Variants in ITIH2 observed in about 807,000 individuals in gnomAD.
The protein encoded by ITIH2 is inter-alpha-trypsin inhibitor heavy chain 2.
Under a neutral mutation model 104.4 loss-of-function variants are expected in ITIH2, and 103 were observed. That is an observed-to-expected ratio of 0.99 (90% CI 0.84 to 1.16). The LOEUF is 1.16. Ranked by LOEUF, ITIH2 falls within the 50% of genes most tolerant of loss-of-function variation. ITIH2 has a pLI of 0.00. For missense variants in ITIH2, 1,108 were observed against 1,162.4 expected (o/e 0.95, Z 0.68); for synonymous variants, 436 against 435.4 (o/e 1.00, Z -0.02).
chr10:7,717,861 C>A, intron 6 of ITIH2, 73 bp downstream of exon 6: 1 of 1,426,786 alleles, frequency 7.0e-7, no homozygotes, highest in Non-Finnish European at 9.7e-7. Context: ...ATACTTTCTG[C>A]TTGTCACTAG....
chr10:7,703,625 A>G, intron 1 of ITIH2, 107 bp downstream of exon 1: 2 of 709,008 alleles, frequency 2.8e-6, no homozygotes, highest in Non-Finnish European at 5.0e-6. Context: ...ATGGAAACTT[A>G]AGATAAAATT....
Position 7,746,603 on chromosome 10 carries a change from G to T in ITIH2, c.2592G>T (p.Met864Ile). 1 of 1,611,594 alleles carries T rather than the reference G, an allele frequency of 6.2e-7. No individual in the cohort carries two copies. The highest frequency in any genetic ancestry group is 2.2e-5 in the East Asian group (1 of 44,848). The stretch of plus-strand genomic sequence containing the variant: ...ATTCTGTTTTGCTAGGCCAGTTCAT[G>T]CAGGAACCAAAGATACACATCTTCA... ...PKAHGLIGQFMQEPKIHIFNE... is the reference protein window; with the variant it reads ...PKAHGLIGQFIQEPKIHIFNE... Residue 864 changes from methionine (M) to isoleucine (I), a missense_variant, in exon 20 of 21, where the codon ATG (methionine) becomes ATT (isoleucine). Met to Ile is a conservative substitution (Grantham distance 10, BLOSUM62 1). Transcript: ENST00000358415.
intron 14 of ITIH2, among the ~76,000 whole-genome samples, chr10:7,734,586 T>G (rs1393376177): frequency 3.3e-5 from 5 of 152,072 alleles, no homozygotes; most frequent in Non-Finnish European, 5.9e-5. Flanking sequence ...TCTCAGCTAC[T>G]CAGGAGGCTG....
At chr10:7,713,056 G>T in intron 4 of ITIH2, 125 bp from the exon 5 acceptor site, 1 of 662,602 alleles carries the variant, frequency 1.5e-6, no homozygotes, top group Non-Finnish European at 2.6e-6. Context: ...GGAGGTGGAG[G>T]TTGCACTGAA....
intron 11 of ITIH2, among the ~76,000 whole-genome samples, chr10:7,729,670 T>C (rs1834983375): frequency 6.6e-6 from 1 of 152,216 alleles, no homozygotes; most frequent in Non-Finnish European, 1.5e-5. Flanking sequence ...TCTCACGGTT[T>C]AAATGTATCA....
At chr10:7,724,291 C>T (rs1357895095) in intron 9 of ITIH2, among the ~76,000 whole-genome samples, 1 of 152,106 alleles carries the variant, frequency 6.6e-6, no homozygotes, top group Non-Finnish European at 1.5e-5. Context: ...TCCCTGTCAG[C>T]CAGGCACAGT....
chr10:7,743,038 C>T, intron 16 of ITIH2, 108 bp from the exon 17 acceptor site: 1 of 661,114 alleles, frequency 1.5e-6, no homozygotes, highest in Non-Finnish European at 2.7e-6. Flanking sequence ...AGGAGAAGCA[C>T]AATAAATATT....
At position 7,721,780 on chromosome 10, in the gene ITIH2, G is replaced by C. The variant is rs770627511; in HGVS notation, c.867+3G>C. 5.6e-5 allele frequency: 90 copies of C among 1,613,728 alleles called. No individual in the cohort carries two copies. Among genetic ancestry groups the C allele is most frequent in the Non-Finnish European group, 7.2e-5 (85 of 1,179,868 alleles). On this transcript the variant is annotated splice_donor_region_variant and intron_variant, in intron 8 of 20. Coordinates refer to ENST00000358415, the MANE Select transcript of ITIH2 (RefSeq NM_002216.3). The stretch of plus-strand genomic sequence containing the variant: ...AAGAGAAGGCTGGTGAACTGGAGGT[G>C]AGTGCACACCGGCTCTGGTTCTACT...
rs549517172 is a variant in ITIH2, at chr10:7,748,521, C to CTTTTTTTTTTTTTTTTT, written c.2694-645_2694-629dup. ...AGTTAAGAGGTGCCGCCAATGCATT[C>CTTTTTTTTTTTTTTTTT]TTTTTTTTTTTTTTTTTTTTTTTTT... On this transcript the variant is annotated intron_variant, in intron 20 of 20. Transcript: ENST00000358415. 2.4e-3 allele frequency among the ~76,000 whole-genome samples: 64 copies of CTTTTTTTTTTTTTTTTT among 27,130 alleles called. 23 individuals are homozygous for CTTTTTTTTTTTTTTTTT. The highest frequency in any genetic ancestry group is 3.2e-3 in the Non-Finnish European group (49 of 15,258). The allele number at this position is 27,130 out of a possible 152,430, so 17.8% of individuals were successfully genotyped here. A position where few individuals can be genotyped will look rare whatever the true frequency, so the allele number is the denominator to read the frequency against.
intron 15 of ITIH2, among the ~76,000 whole-genome samples, chr10:7,737,667 A>C (rs62651616): frequency 2.2e-3 from 29 of 13,418 alleles, no homozygotes; most frequent in South Asian, 5.0e-3. Context: ...ATTCTATATT[A>C]TATTCTATAT....
chr10:7,743,192 G>T lies in ITIH2; in HGVS notation c.2142G>T (p.Lys714Asn), dbSNP rs765946594. 2.5e-6 allele frequency: 4 copies of T among 1,591,442 alleles called. No homozygotes were observed. The South Asian group carries it at 4.7e-5, about 19-fold the overall frequency. The change falls in exon 17 of 21, where the codon AAG becomes AAT. Residue 714 changes from lysine (K) to asparagine (N), a missense_variant. By Grantham distance (94) the Lys-to-Asn change is moderately conservative. Transcript: ENST00000358415. ...HFIIYLPKSQ[K>N]NICFNIDSEP... Reference sequence around the variant, plus strand: ...TCATTTATCTACCAAAAAGCCAAAAGAACATTTGTTTCAATATTGACTCAG... The same window carrying T: ...TCATTTATCTACCAAAAAGCCAAAATAACATTTGTTTCAATATTGACTCAG...
At chr10:7,724,302 G>A (rs1013603797) in intron 9 of ITIH2, among the ~76,000 whole-genome samples, 3 of 152,138 alleles carry the variant, frequency 2.0e-5, no homozygotes, top group Non-Finnish European at 4.4e-5. Flanking sequence ...CAGGCACAGT[G>A]GCTCACGCCT....
At position 7,744,810 on chromosome 10, in the gene ITIH2, A is replaced by T; in HGVS notation, c.2428A>T (p.Lys810Ter). The change falls in exon 19 of 21, where the codon AAA (lysine) becomes TAA (stop). Residue 810 changes from lysine to a stop codon, truncating the protein, a stop_gained. Transcript: ENST00000358415. LOFTEE classifies it high-confidence loss of function. ...TNQRVQISVK[K>*]EKVVTITLDK... ...CACCAGGGTGCAGATCTCAGTGAAG[A>T]AAGAAAAAGTGGTAACTATCACCCT... is the stretch of plus-strand genomic sequence containing the variant. The T allele has an allele frequency of 1.9e-6, 3 of 1,613,558 alleles. No homozygotes were observed. Among genetic ancestry groups the T allele is most frequent in the Non-Finnish European group, 2.5e-6 (3 of 1,179,788 alleles).
At chr10:7,729,761 A>C in intron 11 of ITIH2, 191 bp from the exon 12 acceptor site, 1 of 472,126 alleles carries the variant, frequency 2.1e-6, no homozygotes, top group Non-Finnish European at 3.7e-6. Context: ...GTTGCTATGC[A>C]ACACAACCCA....
chr10:7,745,911 C>T (rs577877586), intron 19 of ITIH2, among the ~76,000 whole-genome samples: 18 of 151,010 alleles, frequency 1.2e-4, no homozygotes, highest in Admixed American at 4.6e-4. Context: ...TGCACCACCA[C>T]GCCCAGCTAA....
At chr10:7,728,936 C>G (rs1469658160) in intron 11 of ITIH2, among the ~76,000 whole-genome samples, 1 of 152,056 alleles carries the variant, frequency 6.6e-6, no homozygotes, top group African/African-American at 2.4e-5. Flanking sequence ...TGTTGTAGAG[C>G]CAATGTTTTC....
At chr10:7,711,192 T>A (rs1834794542) in intron 4 of ITIH2, among the ~76,000 whole-genome samples, 2 of 152,206 alleles carry the variant, frequency 1.3e-5, no homozygotes, top group South Asian at 4.1e-4. Context: ...ATACAGTGTT[T>A]GATTTTCTGT....
rs139781584 is a variant in ITIH2, at chr10:7,734,944, G to A, written c.1810G>A (p.Ala604Thr). The A allele has an allele frequency of 4.0e-5, 64 of 1,612,734 alleles. No homozygotes were observed. Among genetic ancestry groups the A allele is most frequent in the Middle Eastern group, 3.3e-4 (2 of 6,084 alleles). The change falls in exon 15 of 21, where the codon GCC becomes ACC. Residue 604 changes from alanine to threonine, a missense_variant. Coordinates refer to ENST00000358415, the MANE Select transcript of ITIH2 (RefSeq NM_002216.3). ...CAGAAGCCTGGCTCCTACAGCTGCC[G>A]CCAAGAGAAGAATTACAAGATCGAT... Reference protein sequence around the residue: ...AERSLAPTAAAKRRITRSILQ... With the variant: ...AERSLAPTAATKRRITRSILQ...
rs1835216815 is a variant in ITIH2 at position 7,749,460 on chromosome 10, A to AT, written c.*127dup. The AT allele has an allele frequency of 1.3e-6, 1 of 755,160 alleles. No individual in the cohort carries two copies. The highest frequency in any genetic ancestry group is 2.7e-5 in the East Asian group (1 of 36,742). 46.8% of individuals were successfully genotyped at this position (755,160 alleles called of 1,614,324 possible). On this transcript the variant is annotated 3_prime_UTR_variant, in exon 21 of 21. Transcript: ENST00000358415. ...AGGGTGGTTAATTAAAATGAACCAGATATCAGGGTGGTTTATAAAGCCTGT... is the reference window on the plus strand; with the variant it reads ...AGGGTGGTTAATTAAAATGAACCAGATTATCAGGGTGGTTTATAAAGCCTGT...
Sources: gnomAD v4.1 joint callset for allele counts (sites outside exome capture counted in the v4.1 genomes callset) on GRCh38, gnomAD v4.1.1 for gene constraint, MANE v1.5 for transcripts, NCBI Gene and HGNC (gene_info 2026-07-23, HGNC 2026-07-21) for gene names.